The following EEPD1 variants were observed in gnomAD, a reference collection of about 807,000 sequenced individuals.
EEPD1 encodes endonuclease/exonuclease/phosphatase family domain-containing protein 1.
In EEPD1, 17 loss-of-function variants were observed where a neutral mutation model predicts 46.3. The ratio of observed to expected loss-of-function variants is 0.37; its 90% confidence interval spans 0.25 to 0.55. The LOEUF is 0.55. EEPD1 is among the 20% of genes least tolerant of loss of function. The pLI, the probability that EEPD1 is intolerant of heterozygous loss-of-function variation, is 0.83. For synonymous variants in EEPD1, 313 were observed against 315.6 expected, an observed-to-expected ratio of 0.99 and a Z score of 0.09; for missense variants, 673 against 745.6, an observed-to-expected ratio of 0.90 and a Z score of 1.13.
chr7:36,227,645 G>A (rs111511214), intron 2 of EEPD1, among the ~76,000 whole-genome samples: 17,220 of 152,124 alleles, frequency 0.11, 2,178 homozygotes, highest in African/African-American at 0.31. Context: ...TTGGCCAGGC[G>A]CAGTGGCTCA....
At chr7:36,276,426 CT>C (rs1203632946) in intron 3 of EEPD1, among the ~76,000 whole-genome samples, 1 of 152,070 alleles carries the variant, frequency 6.6e-6, no homozygotes, top group African/African-American at 2.4e-5. Context: ...ACTGGGATCC[CT>C]AGGAGAGATT....
At position 36,154,629 on chromosome 7, in the gene EEPD1, G is replaced by A; in HGVS notation, c.305G>A (p.Ser102Asn). The stretch of plus-strand genomic sequence containing the variant: ...GTCAAGTTTGAGATCTGTGTGAGCA[G>A]CAAGGGCAGCTCAGCGCAGCACTCT... ...EQVKFEICVSSKGSSAQHSPS... is the reference protein window; with the variant it reads ...EQVKFEICVSNKGSSAQHSPS... Residue 102 changes from serine to asparagine, a missense_variant, in exon 2 of 8, where the codon AGC becomes AAC. Physicochemically the swap from Ser to Asn is conservative, Grantham distance 46. Coordinates refer to ENST00000242108, the MANE Select transcript of EEPD1 (RefSeq NM_030636.3). The surrounding 1 kb of genome is among the most constrained non-coding windows in gnomAD (Gnocchi z 4.2). 6.2e-7 allele frequency: 1 copy of A among 1,613,970 alleles called. No individual in the cohort carries two copies.
intron 2 of EEPD1, among the ~76,000 whole-genome samples, chr7:36,211,157 C>G (rs2540672): frequency 6.6e-6 from 1 of 152,240 alleles, no homozygotes; most frequent in Admixed American, 6.5e-5. Context: ...AAGCGCCTTG[C>G]CTGGTTCACT....
intron 3 of EEPD1, among the ~76,000 whole-genome samples, chr7:36,260,129 A>G (rs1240918568): frequency 6.6e-6 from 1 of 152,204 alleles, no homozygotes. Flanking sequence ...ATATGCACAT[A>G]TGTGTCTTTT....
intron 3 of EEPD1, among the ~76,000 whole-genome samples, chr7:36,243,117 G>C (rs1313671065): frequency 6.6e-6 from 1 of 152,176 alleles, no homozygotes; most frequent in Non-Finnish European, 1.5e-5. Context: ...TGTTAGAAAC[G>C]TAGAATCTCA....
intron 2 of EEPD1, among the ~76,000 whole-genome samples, chr7:36,238,203 C>T (rs916538831): frequency 6.6e-6 from 1 of 152,078 alleles, no homozygotes; most frequent in Non-Finnish European, 1.5e-5. Flanking sequence ...TGAGAGTGAC[C>T]AGAGGTCACT....
chr7:36,254,444 C>G (rs1356386018), intron 3 of EEPD1, among the ~76,000 whole-genome samples: 1 of 152,134 alleles, frequency 6.6e-6, no homozygotes, highest in Non-Finnish European at 1.5e-5. Flanking sequence ...CATGTCCCTG[C>G]AAAGGACATG....
intron 2 of EEPD1, among the ~76,000 whole-genome samples, chr7:36,167,712 T>TTAA (rs1554309555): frequency 1.1e-4 from 16 of 151,694 alleles, no homozygotes; most frequent in African/African-American, 3.9e-4. Flanking sequence ...CATAGTGCCC[T>TTAA]TTATTATTAT....
At chr7:36,275,480 T>C (rs544377774) in intron 3 of EEPD1, among the ~76,000 whole-genome samples, 86 of 152,250 alleles carry the variant, frequency 5.6e-4, no homozygotes, top group African/African-American at 2.0e-3. Context: ...AGAATATCAC[T>C]CTGTCACCCA....
At chr7:36,244,823 A>AT (rs1242493583) in intron 3 of EEPD1, among the ~76,000 whole-genome samples, 1 of 124,146 alleles carries the variant, frequency 8.1e-6, no homozygotes, top group Non-Finnish European at 1.6e-5. Flanking sequence ...CCCAGGCTGG[A>AT]GTGCAATGGT....
Position 36,154,074 on chromosome 7 carries a change from G to A in EEPD1, c.-192-59G>A, listed in dbSNP as rs947595450. 5 of 552,582 alleles carry A rather than the reference G, an allele frequency of 9.0e-6. No individual in the cohort carries two copies. Among genetic ancestry groups the A allele is most frequent in the Non-Finnish European group, 1.6e-5 (5 of 312,222 alleles). The allele number at this position is 552,582 out of a possible 1,614,324, so 34.2% of individuals were successfully genotyped here. A position where few individuals can be genotyped will look rare whatever the true frequency, so the allele number is the denominator to read the frequency against. Reference sequence around the variant, plus strand: ...TTACTAACTCTAGCACTAGGTAGGGGGTGCTAATGCAAATTTCTTAATTCA... The same window carrying A: ...TTACTAACTCTAGCACTAGGTAGGGAGTGCTAATGCAAATTTCTTAATTCA... On this transcript the variant is annotated intron_variant, in intron 1 of 7. Transcript: ENST00000242108. This position sits in a 1 kb window ranked among gnomAD's most constrained non-coding sequence, Gnocchi z 4.2.
intron 2 of EEPD1, among the ~76,000 whole-genome samples, chr7:36,166,541 C>T (rs905106419): frequency 4.6e-5 from 7 of 151,556 alleles, no homozygotes; most frequent in African/African-American, 1.7e-4. Flanking sequence ...GGCGACATAG[C>T]GAGACCCCTT....
intron 2 of EEPD1, among the ~76,000 whole-genome samples, chr7:36,211,525 A>G (rs935401367): frequency 1.2e-4 from 18 of 152,230 alleles, no homozygotes; most frequent in African/African-American, 4.1e-4. Context: ...CTAAGAAAAT[A>G]TATGAGGGTA....
At chr7:36,195,748 A>G (rs1785570413) in intron 2 of EEPD1, among the ~76,000 whole-genome samples, 1 of 152,212 alleles carries the variant, frequency 6.6e-6, no homozygotes, top group Non-Finnish European at 1.5e-5. Context: ...AGTAGATTAT[A>G]AGTGTTCTTA....
intron 2 of EEPD1, among the ~76,000 whole-genome samples, chr7:36,183,732 TCAAA>T (rs1299592451): frequency 6.6e-6 from 1 of 152,132 alleles, no homozygotes; most frequent in African/African-American, 2.4e-5. Context: ...CAGGCTGGTC[TCAAA>T]CAATCTTCCC....
intron 2 of EEPD1, among the ~76,000 whole-genome samples, chr7:36,182,821 C>T (rs1044674279): frequency 1.3e-5 from 2 of 152,256 alleles, no homozygotes; most frequent in Non-Finnish European, 2.9e-5. Flanking sequence ...CTAAAAACTG[C>T]ACCTGTGAAG....
chr7:36,237,859 G>A (rs937795676), intron 2 of EEPD1, among the ~76,000 whole-genome samples: 1 of 152,192 alleles, frequency 6.6e-6, no homozygotes, highest in South Asian at 2.1e-4. Context: ...GCTGAGGCAG[G>A]AGAATGGCTT....
chr7:36,180,639 A>C (rs747106034), intron 2 of EEPD1, among the ~76,000 whole-genome samples: 1 of 152,112 alleles, frequency 6.6e-6, no homozygotes, highest in Non-Finnish European at 1.5e-5. Flanking sequence ...GTGACTGAGT[A>C]TTTTAGGAGT....
chr7:36,273,069 C>T (rs1406153874), intron 3 of EEPD1, among the ~76,000 whole-genome samples: 1 of 151,894 alleles, frequency 6.6e-6, no homozygotes, highest in South Asian at 2.1e-4. Context: ...TTGACCTCAG[C>T]AGGGTGGTGA....
Sources: gnomAD v4.1 joint callset for allele counts (sites outside exome capture counted in the v4.1 genomes callset) on GRCh38, gnomAD v4.1.1 for gene constraint, Gnocchi (gnomAD v3.1) non-coding constraint, MANE v1.5 for transcripts, NCBI Gene and HGNC (gene_info 2026-07-23, HGNC 2026-07-21) for gene names.